The following ZNF512 variants were observed in gnomAD, a reference collection of about 807,000 sequenced individuals.
ZNF512 encodes zinc finger protein 512.
In ZNF512, 25 loss-of-function variants were observed where a neutral mutation model predicts 77.5. The observed-to-expected ratio is 0.32, with a 90% CI of 0.23 to 0.45. The LOEUF is 0.45. Ranked by LOEUF, ZNF512 falls within the 20% of genes least tolerant of loss-of-function variation. The pLI is 1.00. For synonymous variants in ZNF512, 246 were observed against 239.9 expected (o/e 1.03, Z -0.24); for missense variants, 483 against 692.6 (o/e 0.70, Z 3.40).
At chr2:27,589,970 C>T (rs1457004193) in intron 2 of ZNF512, among the ~76,000 whole-genome samples, 3 of 152,124 alleles carry the variant, frequency 2.0e-5, no homozygotes, top group Non-Finnish European at 4.4e-5. Flanking sequence ...GTTGATGGCC[C>T]AGCGTAAGAT....
chr2:27,619,410 A>AT (rs1000298168), intron 13 of ZNF512, among the ~76,000 whole-genome samples: 2 of 152,100 alleles, frequency 1.3e-5, no homozygotes, highest in African/African-American at 4.8e-5. Context: ...TAAAAAAAAA[A>AT]GGTAATTATC....
At chr2:27,586,046 T>A (rs1164861593) in intron 2 of ZNF512, among the ~76,000 whole-genome samples, 1 of 152,300 alleles carries the variant, frequency 6.6e-6, no homozygotes, top group African/African-American at 2.4e-5. Flanking sequence ...TTAATTATGA[T>A]CATATGAACT....
At position 27,602,457 on chromosome 2, in the gene ZNF512, T is replaced by A. The variant is rs946008589; in HGVS notation, c.670-6T>A. The A allele has an allele frequency of 1.2e-6, 2 of 1,612,640 alleles. No homozygotes were observed. Among genetic ancestry groups the A allele is most frequent in the Non-Finnish European group, 1.7e-6 (2 of 1,179,464 alleles). ...CATCTTCTTGTTTACTTCTCTTGAT[T>A]TCTAGCCCATTTTGAAAGCCGGAGA... On this transcript the variant is annotated splice_polypyrimidine_tract_variant and splice_region_variant and intron_variant, in intron 7 of 13. Transcript: ENST00000355467.
chr2:27,592,667 C>T (rs1318827227), intron 2 of ZNF512, among the ~76,000 whole-genome samples: 4 of 81,552 alleles, frequency 4.9e-5, no homozygotes, highest in East Asian at 3.3e-4. Context: ...CCATGTTTAC[C>T]TTTTTTTTTT....
In ZNF512 at chr2:27,610,568, ATTTTTTTTTTTTT is replaced by A. The variant is rs767964486; in HGVS notation, c.1131+2549_1131+2561del. ...TGTATATATATATATATATATATAT[ATTTTTTTTTTTTT>A]TTTTTTTTTTTTTTTTTTTGAGACA... On this transcript the variant is annotated intron_variant, in intron 10 of 13. Transcript: ENST00000355467. Among the ~76,000 whole-genome samples the A allele has an allele frequency of 1.8e-3, 33 of 18,182 alleles. 5 individuals carry two copies. Among genetic ancestry groups the A allele is most frequent in the East Asian group, 0.012 (6 of 508 alleles). 11.9% of individuals were successfully genotyped at this position (18,182 alleles called of 152,430 possible).
Position 27,621,731 on chromosome 2 carries a change from T to C in ZNF512, c.*270T>C, listed in dbSNP as rs1246090026. The C allele has an allele frequency of 1.1e-5, 4 of 374,500 alleles. No homozygotes were observed. Among genetic ancestry groups the C allele is most frequent in the African/African-American group, 2.0e-5 (1 of 48,880 alleles). 23.2% of individuals were successfully genotyped at this position (374,500 alleles called of 1,614,324 possible). On this transcript the variant is annotated 3_prime_UTR_variant, in exon 14 of 14. Transcript: ENST00000355467. ...CTCCCTCTCAAGGCCAACTATAGGC[T>C]CCTCTTGCCCTGTACAAAACTAAGA...
Position 27,601,459 on chromosome 2 carries a change from T to C in ZNF512, c.669+17T>C. The C allele has an allele frequency of 6.2e-7, 1 of 1,600,620 alleles. No individual in the cohort carries two copies. Among genetic ancestry groups the C allele is most frequent in the Non-Finnish European group, 8.5e-7 (1 of 1,171,930 alleles). On this transcript the variant is annotated intron_variant, in intron 7 of 13. Transcript: ENST00000355467. ...AATAGTTTGGTAAGAGTGTCTTCTG[T>C]CTTTTGTGAGTGTTTGGATGTCTTT...
chr2:27,616,254 T>G lies in ZNF512; in HGVS notation c.1234-8T>G. 6.2e-7 allele frequency: 1 copy of G among 1,612,988 alleles called. No individual in the cohort carries two copies. The highest frequency in any genetic ancestry group is 2.2e-5 in the East Asian group (1 of 44,864). ...CATAGTCTTCATACTATTTCTTCTC[T>G]TTTGCAGGGCTGTGAGGCTGTCTAC... On this transcript the variant is annotated splice_polypyrimidine_tract_variant and splice_region_variant and intron_variant, in intron 11 of 13. Transcript: ENST00000355467.
At chr2:27,602,600 C>T (rs777076311) in intron 8 of ZNF512, 39 bp downstream of exon 8, 3 of 1,557,654 alleles carry the variant, frequency 1.9e-6, no homozygotes, top group Non-Finnish European at 2.6e-6. Flanking sequence ...TGCCTGAATT[C>T]TCAGGTCAAT....
At chr2:27,610,194 C>T (rs1164729227) in intron 10 of ZNF512, among the ~76,000 whole-genome samples, 1 of 150,978 alleles carries the variant, frequency 6.6e-6, no homozygotes, top group African/African-American at 2.4e-5. Flanking sequence ...GAAACCCCAT[C>T]TCTACTAAAA....
chr2:27,596,815 T>C (rs1671891566), intron 2 of ZNF512, among the ~76,000 whole-genome samples: 1 of 152,204 alleles, frequency 6.6e-6, no homozygotes, highest in Non-Finnish European at 1.5e-5. Flanking sequence ...CCAGTCTCTG[T>C]TATGTTTACT....
chr2:27,616,661 G>A (rs1672893157), intron 12 of ZNF512, among the ~76,000 whole-genome samples: 1 of 152,162 alleles, frequency 6.6e-6, no homozygotes, highest in Non-Finnish European at 1.5e-5. Context: ...GTTTAGGTGG[G>A]CCTAAAACTT....
Position 27,621,669 on chromosome 2 carries a change from C to T in ZNF512, c.*208C>T, listed in dbSNP as rs531810090. On this transcript the variant is annotated 3_prime_UTR_variant, in exon 14 of 14. Coordinates refer to ENST00000355467, the MANE Select transcript of ZNF512 (RefSeq NM_032434.4). ...TTTAGTAGGTTTTCCTGCTATTCCT[C>T]GTCAAGTCCTCTTGTTTTTTTATCT... 37 of 526,370 alleles carry T rather than the reference C, an allele frequency of 7.0e-5. No homozygotes were observed. Among genetic ancestry groups the T allele is most frequent in the African/African-American group, 4.4e-4 (23 of 52,554 alleles). 32.6% of individuals were successfully genotyped at this position (526,370 alleles called of 1,614,324 possible). A position where few individuals can be genotyped will look rare whatever the true frequency, so the allele number is the denominator to read the frequency against.
intron 9 of ZNF512, among the ~76,000 whole-genome samples, chr2:27,606,779 C>G (rs1323734693): frequency 2.0e-5 from 3 of 152,208 alleles, no homozygotes; most frequent in Non-Finnish European, 4.4e-5. Context: ...GATGCTTCAT[C>G]TGGTTCCTCT....
intron 9 of ZNF512, among the ~76,000 whole-genome samples, chr2:27,603,886 C>T (rs977844064): frequency 6.6e-6 from 1 of 151,610 alleles, no homozygotes; most frequent in Admixed American, 6.6e-5. Flanking sequence ...GTGCGAGCCA[C>T]CCTGCTCAGC....
chr2:27,606,241 T>C (rs561198205), intron 9 of ZNF512, among the ~76,000 whole-genome samples: 1 of 152,012 alleles, frequency 6.6e-6, no homozygotes, highest in East Asian at 1.9e-4. Context: ...TTTATCTTTT[T>C]TTTAACATTG....
At chr2:27,599,866 C>A in intron 4 of ZNF512, 104 bp from the exon 5 acceptor site, 1 of 1,347,854 alleles carries the variant, frequency 7.4e-7, no homozygotes, top group Non-Finnish European at 1.0e-6. Context: ...GGCAGTCAGT[C>A]GGTTGAGGGA....
At chr2:27,621,033 A>T in intron 13 of ZNF512, 120 bp from the exon 14 acceptor site, 1 of 1,097,558 alleles carries the variant, frequency 9.1e-7, no homozygotes, top group Non-Finnish European at 1.3e-6. Flanking sequence ...ATGGTTCCAT[A>T]TCTGTTTCCT....
intron 13 of ZNF512, 95 bp downstream of exon 13, chr2:27,617,666 A>G (rs1672941529): frequency 2.0e-5 from 14 of 693,418 alleles, no homozygotes; most frequent in Non-Finnish European, 3.5e-5. Flanking sequence ...CAAGGAAAGT[A>G]TCTCTAAAGT....
Sources: gnomAD v4.1 joint callset for allele counts (sites outside exome capture counted in the v4.1 genomes callset) on GRCh38, gnomAD v4.1.1 for gene constraint, MANE v1.5 for transcripts, NCBI Gene and HGNC (gene_info 2026-07-23, HGNC 2026-07-21) for gene names.